TTYH3: variants seen among roughly 807,000 people sequenced by gnomAD.
The protein encoded by TTYH3 is tweety family member 3, also known as protein tweety homolog 3.
In TTYH3, 23 loss-of-function variants were observed where a neutral mutation model predicts 68.2. That is an observed-to-expected ratio of 0.34 (90% confidence interval 0.24 to 0.48). The LOEUF is 0.48. Among genes scored for constraint, TTYH3 ranks in the 20% least tolerant of loss-of-function variants. The pLI, the probability that TTYH3 is intolerant of heterozygous loss-of-function variation, is 0.99. For synonymous variants in TTYH3, 360 were observed against 332.8 expected (o/e 1.08, Z -0.89); for missense variants, 768 against 727.7 (o/e 1.06, Z -0.64).
In TTYH3 at chr7:2,656,680, T is replaced by C. The variant is rs563648918; in HGVS notation, c.1250+146T>C. On this transcript the variant is annotated intron_variant, in intron 11 of 13. Coordinates refer to ENST00000258796, the MANE Select transcript of TTYH3 (RefSeq NM_025250.3). ...CTCACCTCGTGACCCTCCCTAGGCC[T>C]CTCTAGTGTCTCTGAGGCTGCCGGT... is the stretch of plus-strand genomic sequence containing the variant. The C allele has an allele frequency of 7.3e-6, 7 of 964,314 alleles. No homozygotes were observed. The African/African-American group carries it at 1.2e-4, about 16-fold the overall frequency. 59.7% of individuals were successfully genotyped at this position (964,314 alleles called of 1,614,324 possible). A position where few individuals can be genotyped will look rare whatever the true frequency, so the allele number is the denominator to read the frequency against.
chr7:2,653,005 A>C lies in TTYH3; in HGVS notation c.1015A>C (p.Thr339Pro). 3 of 1,568,640 alleles carry C rather than the reference A, an allele frequency of 1.9e-6. No individual in the cohort carries two copies. Among genetic ancestry groups the C allele is most frequent in the Non-Finnish European group, 2.6e-6 (3 of 1,156,412 alleles). ...GACCGTCCCCTGGGAGCAGCCGGCC[A>C]CTAAGGTGAGGGGCTGCGGGGTAGG... Reference protein sequence around the residue: ...LRTVPWEQPATKDPLLRVQEV... With the variant: ...LRTVPWEQPAPKDPLLRVQEV... The change falls in exon 9 of 14, where the codon ACT becomes CCT. Residue 339 changes from threonine (T) to proline (P), a missense_variant. Physicochemically the swap from Thr to Pro is conservative, Grantham distance 38. Coordinates refer to ENST00000258796, the MANE Select transcript of TTYH3 (RefSeq NM_025250.3).
Position 2,645,996 on chromosome 7 carries a change from G to A in TTYH3, c.124-857G>A, listed in dbSNP as rs1056105588. On this transcript the variant is annotated intron_variant, in intron 1 of 13. Coordinates refer to ENST00000258796, the MANE Select transcript of TTYH3 (RefSeq NM_025250.3). The surrounding 1 kb of genome is among the most constrained non-coding windows in gnomAD (Gnocchi z 4.8). ...CCGGCAGCCCCCTCCCCAGGGCTTC[G>A]CTTCTTCGGGGGAGCAGCAGCACTT... 2 of 341,140 alleles carry A rather than the reference G, an allele frequency of 5.9e-6. No individual in the cohort carries two copies. The highest frequency in any genetic ancestry group is 2.2e-5 in the African/African-American group (1 of 45,386). The allele number at this position is 341,140 out of a possible 1,614,324, so 21.1% of individuals were successfully genotyped here.
Position 2,659,073 on chromosome 7 carries a change from TC to T in TTYH3, c.1500+60del, listed in dbSNP as rs1786419689. ...CTGCTCAGCCTTGGGGGTCCGCTGT[TC>T]CACTGCGTCGGTGGGCTGGTGTGGC... On this transcript the variant is annotated intron_variant, in intron 13 of 13. Coordinates refer to ENST00000258796, the MANE Select transcript of TTYH3 (RefSeq NM_025250.3). 4 of 1,522,126 alleles carry T rather than the reference TC, an allele frequency of 2.6e-6. No homozygotes were observed. In the Admixed American group the frequency reaches 6.8e-5, roughly 26 times the overall value. The allele number at this position is 1,522,126 out of a possible 1,614,324, so 94.3% of individuals were successfully genotyped here. A position where few individuals can be genotyped will look rare whatever the true frequency, so the allele number is the denominator to read the frequency against.
chr7:2,649,721 C>G (rs1213736794), intron 6 of TTYH3, 82 bp downstream of exon 6: 1 of 1,519,628 alleles, frequency 6.6e-7, no homozygotes, highest in African/African-American at 1.4e-5. Flanking sequence ...ACTCCTCTCC[C>G]CTCCCATCTT....
intron 6 of TTYH3, 98 bp downstream of exon 6, chr7:2,649,737 G>T: frequency 1.3e-6 from 2 of 1,500,324 alleles, no homozygotes; most frequent in Non-Finnish European, 1.8e-6. Flanking sequence ...ATCTTCCCGG[G>T]CACTGGGTCC....
intron 1 of TTYH3, among the ~76,000 whole-genome samples, chr7:2,635,600 G>C (rs1269269350): frequency 6.6e-6 from 1 of 152,216 alleles, no homozygotes; most frequent in Non-Finnish European, 1.5e-5. Flanking sequence ...GCAGGAGGTG[G>C]TGTTAACTGG....
At position 2,658,926 on chromosome 7, in the gene TTYH3, C is replaced by G; in HGVS notation, c.1425-14C>G. 1 of 1,613,636 alleles carries G rather than the reference C, an allele frequency of 6.2e-7. No individual in the cohort carries two copies. On this transcript the variant is annotated splice_polypyrimidine_tract_variant and intron_variant, in intron 12 of 13. Coordinates refer to ENST00000258796, the MANE Select transcript of TTYH3 (RefSeq NM_025250.3). ...CCAGCAGGCACTCACAGCCTCTCTC[C>G]CCTCATGCCTCAGGAGCCAGAACGC...
At chr7:2,653,127 G>T in intron 9 of TTYH3, 117 bp downstream of exon 9, 1 of 868,024 alleles carries the variant, frequency 1.2e-6, no homozygotes, top group Non-Finnish European at 1.8e-6. Context: ...CAGGCTGGCC[G>T]AGTGGGGACC....
chr7:2,645,030 A>G lies in TTYH3; in HGVS notation c.124-1823A>G, dbSNP rs1340731999. Among the ~76,000 whole-genome samples the G allele has an allele frequency of 6.6e-6, 1 of 152,188 alleles. No individual in the cohort carries two copies. Among genetic ancestry groups the G allele is most frequent in the East Asian group, 1.9e-4 (1 of 5,196 alleles). ...ACTGCTGAAGCATTGAGATGTGGGG[A>G]GAGAGGCGTTTCTCTGCAGTAGTGC... On this transcript the variant is annotated intron_variant, in intron 1 of 13. Coordinates refer to ENST00000258796, the MANE Select transcript of TTYH3 (RefSeq NM_025250.3). The surrounding 1 kb of genome is among the most constrained non-coding windows in gnomAD (Gnocchi z 4.8).
intron 1 of TTYH3, among the ~76,000 whole-genome samples, chr7:2,644,643 A>C (rs958840166): frequency 6.6e-6 from 1 of 152,294 alleles, no homozygotes; most frequent in African/African-American, 2.4e-5. Context: ...GCACTTGTGC[A>C]TGGCTGAAGG....
chr7:2,650,019 G>A lies in TTYH3; in HGVS notation c.871+31G>A, dbSNP rs757924462. On this transcript the variant is annotated intron_variant, in intron 7 of 13. Coordinates refer to ENST00000258796, the MANE Select transcript of TTYH3 (RefSeq NM_025250.3). Reference sequence around the variant, plus strand: ...TCTGTGTCCACGGCCGTGTCCCAGCGGGTTCCCCAGGGTTGGGCTGAGCCA... The same window carrying A: ...TCTGTGTCCACGGCCGTGTCCCAGCAGGTTCCCCAGGGTTGGGCTGAGCCA... 1.7e-5 allele frequency: 27 copies of A among 1,611,930 alleles called. No homozygotes were observed. The Middle Eastern group carries it at 2.8e-3, about 169-fold the overall frequency.
chr7:2,641,450 G>T (rs1385344083), intron 1 of TTYH3, among the ~76,000 whole-genome samples: 3 of 151,950 alleles, frequency 2.0e-5, no homozygotes, highest in Non-Finnish European at 2.9e-5. Flanking sequence ...GGGGCAGGGG[G>T]ACTGAGGCTG....
intron 9 of TTYH3, 133 bp downstream of exon 9, chr7:2,653,143 T>C (rs1786237905): frequency 1.4e-6 from 1 of 730,902 alleles, no homozygotes. Context: ...GGACCTGGTG[T>C]TGGAGGTGGC....
intron 5 of TTYH3, chr7:2,648,586 T>C (rs566441833): frequency 6.5e-6 from 1 of 153,442 alleles, no homozygotes; most frequent in East Asian, 1.9e-4. Context: ...CAGCCATGGC[T>C]GGTGCCTCCC....
chr7:2,647,283 C>T (rs1308651278), intron 3 of TTYH3, 30 bp downstream of exon 3: 19 of 1,550,860 alleles, frequency 1.2e-5, no homozygotes, highest in Non-Finnish European at 1.5e-5. Context: ...GGGCCAGGAG[C>T]ACTCTTGCTG....
At chr7:2,650,116 G>T in intron 7 of TTYH3, 128 bp downstream of exon 7, 1 of 883,410 alleles carries the variant, frequency 1.1e-6, no homozygotes, top group Non-Finnish European at 1.7e-6. Context: ...CAGGTCCCAG[G>T]CCAAGATGCT....
intron 7 of TTYH3, 113 bp downstream of exon 7, chr7:2,650,101 G>A (rs537871110): frequency 9.3e-7 from 1 of 1,077,964 alleles, no homozygotes; most frequent in East Asian, 2.5e-5. Context: ...ATGGTCTCAG[G>A]GAGACAGGTC....
intron 9 of TTYH3, among the ~76,000 whole-genome samples, chr7:2,654,004 T>C (rs1449794120): frequency 6.6e-6 from 1 of 151,338 alleles, no homozygotes; most frequent in East Asian, 1.9e-4. Context: ...GAGGGAGGAG[T>C]GCGTCTGTGG....
chr7:2,659,801 G>A (rs1018532753), intron 13 of TTYH3: 10 of 1,128,132 alleles, frequency 8.9e-6, no homozygotes, highest in African/African-American at 1.6e-5. Flanking sequence ...CCACACAGGT[G>A]CAGGCCCAGT....
Sources: gnomAD v4.1 joint callset for allele counts (sites outside exome capture counted in the v4.1 genomes callset) on GRCh38, gnomAD v4.1.1 for gene constraint, Gnocchi (gnomAD v3.1) non-coding constraint, MANE v1.5 for transcripts, NCBI Gene and HGNC (gene_info 2026-07-23, HGNC 2026-07-21) for gene names.